Variants in KCNMB1 observed in about 807,000 individuals in gnomAD.
The protein encoded by KCNMB1 is potassium calcium-activated channel subfamily M regulatory beta subunit 1.
Under a neutral mutation model 21.7 loss-of-function variants are expected in KCNMB1, and 22 were observed. That is an observed-to-expected ratio of 1.01 (90% CI 0.72 to 1.45). The LOEUF is 1.45. Among genes scored for constraint, KCNMB1 ranks in the 40% most tolerant of loss-of-function variants. The pLI, the probability that KCNMB1 is intolerant of heterozygous loss-of-function variation, is 0.00. For missense variants in KCNMB1, 243 were observed against 243.4 expected (o/e 1.00, Z 0.01); for synonymous variants, 114 against 107.6 (o/e 1.06, Z -0.37).
chr5:170,385,588 T>G lies in KCNMB1; in HGVS notation c.-24-117A>C. On this transcript the variant is annotated intron_variant, in intron 1 of 3. Coordinates refer to ENST00000274629, the MANE Select transcript of KCNMB1 (RefSeq NM_004137.4). Reference sequence around the variant, plus strand: ...CTATTAATATCACTCTTGTTTATATTTGGAGCTTTGCAACTTCCAGAAGTC... The same window carrying G: ...CTATTAATATCACTCTTGTTTATATGTGGAGCTTTGCAACTTCCAGAAGTC... The G allele has an allele frequency of 9.2e-6, 9 of 980,158 alleles. No individual in the cohort carries two copies. In the South Asian group the frequency reaches 1.4e-4, roughly 16 times the overall value. The allele number at this position is 980,158 out of a possible 1,614,324, so 60.7% of individuals were successfully genotyped here.
intron 1 of KCNMB1, 35 bp from the exon 2 acceptor site, chr5:170,385,506 C>T (rs1399094556): frequency 5.6e-6 from 9 of 1,598,906 alleles, no homozygotes; most frequent in African/African-American, 1.3e-5. Context: ...GTGAGATCAG[C>T]CCAGTTCACA....
Position 170,377,932 on chromosome 5 carries a change from G to T in KCNMB1, c.*772C>A, listed in dbSNP as rs756102284. ...CTGTCTCTGACTGGAACCCAACTCC[G>T]TCCCCAGACCCACTTCCATCTTTTT... is the stretch of plus-strand genomic sequence containing the variant. On this transcript the variant is annotated 3_prime_UTR_variant, in exon 4 of 4. Coordinates refer to ENST00000274629, the MANE Select transcript of KCNMB1 (RefSeq NM_004137.4). 6.6e-6 allele frequency: 1 copy of T among 151,726 alleles called. No homozygotes were observed. The highest frequency in any genetic ancestry group is 2.0e-4 in the East Asian group (1 of 5,124). 9.4% of individuals were successfully genotyped at this position (151,726 alleles called of 1,614,324 possible).
chr5:170,384,121 A>C (rs142152924), intron 2 of KCNMB1, among the ~76,000 whole-genome samples: 1 of 152,256 alleles, frequency 6.6e-6, no homozygotes, highest in Non-Finnish European at 1.5e-5. Flanking sequence ...AGCTTCTAAA[A>C]AGATTCCCGT....
At chr5:170,380,757 G>GC (rs1368709306) in intron 3 of KCNMB1, among the ~76,000 whole-genome samples, 1 of 152,206 alleles carries the variant, frequency 6.6e-6, no homozygotes, top group Non-Finnish European at 1.5e-5. Flanking sequence ...CTCTGACTGT[G>GC]ACCTTGGCTA....
Position 170,378,843 on chromosome 5 carries a change from A to T in KCNMB1, c.437T>A (p.Val146Asp). Residue 146 changes from valine to aspartate, a missense_variant, in exon 4 of 4, where the codon GTC (valine) becomes GAC (aspartate). Physicochemically the swap from Val to Asp is radical, Grantham distance 152. Coordinates refer to ENST00000274629, the MANE Select transcript of KCNMB1 (RefSeq NM_004137.4). ...FSAPRGNETS[V>D]LFQRLYGPQA... ...GGGCCCGTAGAGGCGCTGGAATAGG[A>T]CGCTGGTTTCGTTCCCCCGAGGTGC... The T allele has an allele frequency of 6.2e-7, 1 of 1,614,230 alleles. No individual in the cohort carries two copies. Among genetic ancestry groups the T allele is most frequent in the Non-Finnish European group, 8.5e-7 (1 of 1,180,046 alleles).
intron 3 of KCNMB1, among the ~76,000 whole-genome samples, chr5:170,380,832 C>A (rs1435098976): frequency 1.2e-4 from 18 of 152,152 alleles, no homozygotes; most frequent in African/African-American, 4.3e-4. Flanking sequence ...AGCTGTGTGA[C>A]CTTGGCAACT....
At chr5:170,388,995 C>G (rs767202094) in intron 1 of KCNMB1, among the ~76,000 whole-genome samples, 8 of 152,162 alleles carry the variant, frequency 5.3e-5, no homozygotes, top group Non-Finnish European at 2.9e-5. Context: ...TGGTGTTAAT[C>G]TCCAGGCTGC....
Position 170,377,058 on chromosome 5 carries a change from C to T in KCNMB1, c.*1646G>A, listed in dbSNP as rs1012734311. The T allele has an allele frequency of 6.6e-5, 10 of 152,150 alleles. No homozygotes were observed. The highest frequency in any genetic ancestry group is 2.4e-4 in the African/African-American group (10 of 41,418). 9.4% of individuals were successfully genotyped at this position (152,150 alleles called of 1,614,324 possible). ...GCAGAGTAGAGACAGGATTCAAACC[C>T]AAGATCTGCATCTTGGACTCACAAC... On this transcript the variant is annotated 3_prime_UTR_variant, in exon 4 of 4. Transcript: ENST00000274629.
intron 1 of KCNMB1, among the ~76,000 whole-genome samples, chr5:170,386,396 C>T (rs1764474396): frequency 6.6e-6 from 1 of 152,150 alleles, no homozygotes; most frequent in South Asian, 2.1e-4. Flanking sequence ...CCTGCAGACA[C>T]CTTGGTGATT....
chr5:170,387,169 C>T (rs1004775795), intron 1 of KCNMB1, among the ~76,000 whole-genome samples: 1 of 152,146 alleles, frequency 6.6e-6, no homozygotes. Context: ...TGTAATCCTC[C>T]ATTTTAGGGG....
At position 170,385,387 on chromosome 5, in the gene KCNMB1, C is replaced by CA. The variant is rs749734917; in HGVS notation, c.60dup (p.Val21CysfsTer37). On this transcript the variant is annotated frameshift_variant, in exon 2 of 4. Transcript: ENST00000274629. LOFTEE classifies it high-confidence loss of function. Reference sequence around the variant, plus strand: ...ATGACGGCACACACCACCATGGTTACACCCAGGCAAAGGGCTCGTGTCTCT... The same window carrying CA: ...ATGACGGCACACACCACCATGGTTACAACCCAGGCAAAGGGCTCGTGTCTCT... The CA allele has an allele frequency of 9.3e-6, 15 of 1,614,148 alleles. No homozygotes were observed. The highest frequency in any genetic ancestry group is 1.3e-5 in the Non-Finnish European group (15 of 1,180,032).
At chr5:170,383,595 G>A (rs1764340210) in intron 3 of KCNMB1, 84 bp downstream of exon 3, 1 of 1,483,140 alleles carries the variant, frequency 6.7e-7, no homozygotes, top group South Asian at 1.2e-5. Flanking sequence ...ATCTTTCTCA[G>A]CCTCGGGGAC....
intron 3 of KCNMB1, chr5:170,383,225 G>A (rs1474449128): frequency 3.5e-6 from 1 of 283,464 alleles, no homozygotes; most frequent in East Asian, 7.4e-5. Context: ...GTTTCCTGGG[G>A]AGTCACCGGG....
At chr5:170,385,065 G>A (rs1304904649) in intron 2 of KCNMB1, among the ~76,000 whole-genome samples, 1 of 152,146 alleles carries the variant, frequency 6.6e-6, no homozygotes, top group Non-Finnish European at 1.5e-5. Context: ...AGGGCATCAT[G>A]TGTCTGTTAC....
At chr5:170,387,497 C>T (rs1156481444) in intron 1 of KCNMB1, among the ~76,000 whole-genome samples, 1 of 152,174 alleles carries the variant, frequency 6.6e-6, no homozygotes, top group Admixed American at 6.5e-5. Context: ...TCACACCTTC[C>T]CAGTGAGCTG....
rs895819005 is a variant in KCNMB1, at chr5:170,378,277, C to T, written c.*427G>A. On this transcript the variant is annotated 3_prime_UTR_variant, in exon 4 of 4. Coordinates refer to ENST00000274629, the MANE Select transcript of KCNMB1 (RefSeq NM_004137.4). ...TCTAGAAATGGGAGCTGCTGTTGCT[C>T]TTATTAGAGAATTCAAACAAAGAAG... The T allele has an allele frequency of 6.0e-6, 1 of 166,146 alleles. No individual in the cohort carries two copies. Among genetic ancestry groups the T allele is most frequent in the African/African-American group, 2.4e-5 (1 of 41,850 alleles). The allele number at this position is 166,146 out of a possible 1,614,324, so 10.3% of individuals were successfully genotyped here. A position where few individuals can be genotyped will look rare whatever the true frequency, so the allele number is the denominator to read the frequency against.
chr5:170,389,292 A>C lies in KCNMB1; in HGVS notation c.-58T>G. The C allele has an allele frequency of 6.6e-6, 1 of 152,246 alleles. No individual in the cohort carries two copies. The highest frequency in any genetic ancestry group is 1.5e-5 in the Non-Finnish European group (1 of 68,098). The allele number at this position is 152,246 out of a possible 1,614,324, so 9.4% of individuals were successfully genotyped here. A position where few individuals can be genotyped will look rare whatever the true frequency, so the allele number is the denominator to read the frequency against. On this transcript the variant is annotated 5_prime_UTR_variant, in exon 1 of 4. Transcript: ENST00000274629. ...CGGCGTCCTGTGGGTCTTGAGCAGC[A>C]GACAGTTTCTTTCTGCCTGGACCCC...
chr5:170,379,160 G>C (rs1764136606), intron 3 of KCNMB1, among the ~76,000 whole-genome samples, 187 bp from the exon 4 acceptor site: 1 of 152,194 alleles, frequency 6.6e-6, no homozygotes, highest in Non-Finnish European at 1.5e-5. Context: ...TTTGTGTCTT[G>C]TGTGTGGATG....
At position 170,385,198 on chromosome 5, in the gene KCNMB1, C is replaced by T. The variant is rs552128127; in HGVS notation, c.134+116G>A. ...AACCTAAGAATGAGCATCGTCTTGACCCTGCTGCCTTGAATGAGGGTCAAG... is the reference window on the plus strand; with the variant it reads ...AACCTAAGAATGAGCATCGTCTTGATCCTGCTGCCTTGAATGAGGGTCAAG... On this transcript the variant is annotated intron_variant, in intron 2 of 3. Coordinates refer to ENST00000274629, the MANE Select transcript of KCNMB1 (RefSeq NM_004137.4). 10 of 1,148,212 alleles carry T rather than the reference C, an allele frequency of 8.7e-6. No homozygotes were observed. In the African/African-American group the frequency reaches 1.2e-4, roughly 14 times the overall value. The allele number at this position is 1,148,212 out of a possible 1,614,324, so 71.1% of individuals were successfully genotyped here. A position where few individuals can be genotyped will look rare whatever the true frequency, so the allele number is the denominator to read the frequency against.
Sources: gnomAD v4.1 joint callset for allele counts (sites outside exome capture counted in the v4.1 genomes callset) on GRCh38, gnomAD v4.1.1 for gene constraint, MANE v1.5 for transcripts, NCBI Gene and HGNC (gene_info 2026-07-23, HGNC 2026-07-21) for gene names.